The following SORCS2 variants were observed in gnomAD, a reference collection of about 807,000 sequenced individuals.
SORCS2 encodes VPS10 domain-containing receptor SorCS2.
Under a neutral mutation model 141.6 loss-of-function variants are expected in SORCS2, and 100 were observed. That is an observed-to-expected ratio of 0.71 (90% CI 0.60 to 0.83). The LOEUF (loss-of-function observed/expected upper bound fraction) is 0.83. SORCS2 is among the 40% of genes least tolerant of loss of function. The pLI is 0.00. For missense variants in SORCS2, 1,646 were observed against 1,560.2 expected, an observed-to-expected ratio of 1.05 and a Z score of -0.93; for synonymous variants, 789 against 676.9, an observed-to-expected ratio of 1.17 and a Z score of -2.57.
At chr4:7,666,574 G>T (rs1722517959) in intron 7 of SORCS2, among the ~76,000 whole-genome samples, 1 of 152,164 alleles carries the variant, frequency 6.6e-6, no homozygotes. Flanking sequence ...GGCTCAGGAA[G>T]CTGCACCTCC....
intron 1 of SORCS2, among the ~76,000 whole-genome samples, chr4:7,353,333 T>G (rs537092543): frequency 2.0e-5 from 3 of 152,350 alleles, no homozygotes; most frequent in African/African-American, 7.2e-5. Flanking sequence ...GGAAGTCCAC[T>G]TCCAGCCTTG....
intron 1 of SORCS2, among the ~76,000 whole-genome samples, chr4:7,215,457 C>T (rs1486610948): frequency 3.3e-5 from 5 of 152,210 alleles, no homozygotes; most frequent in African/African-American, 4.8e-5. Flanking sequence ...CTGACGAGCG[C>T]GACCCCCTGC....
chr4:7,255,872 CCCCGGGGCTGGAGCGTGGGGA>C (rs1560143851), intron 1 of SORCS2, among the ~76,000 whole-genome samples: 9 of 7,234 alleles, frequency 1.2e-3, no homozygotes, highest in East Asian at 0.01. Context: ...GAGCGTGGGG[CCCCGGGGCTGGAGCGTGGGGA>C]CCCGGGGCTG....
At chr4:7,218,750 A>G (rs1728521749) in intron 1 of SORCS2, among the ~76,000 whole-genome samples, 1 of 152,244 alleles carries the variant, frequency 6.6e-6, no homozygotes, top group African/African-American at 2.4e-5. Context: ...CAATATCATA[A>G]CGATGAATCC....
At chr4:7,491,344 AC>A (rs1157055151) in intron 2 of SORCS2, among the ~76,000 whole-genome samples, 2 of 152,138 alleles carry the variant, frequency 1.3e-5, no homozygotes, top group Non-Finnish European at 2.9e-5. Flanking sequence ...GGGCTGGGGC[AC>A]CCCACCCCTA....
At chr4:7,636,581 T>A (rs57561767) in intron 3 of SORCS2, among the ~76,000 whole-genome samples, 40,703 of 151,692 alleles carry the variant, frequency 0.27, 5,571 homozygotes, top group African/African-American at 0.28. Context: ...TCTGGGTGTC[T>A]GTCATTCCAA....
intron 3 of SORCS2, among the ~76,000 whole-genome samples, chr4:7,582,111 A>G (rs1415545072): frequency 3.3e-5 from 5 of 152,210 alleles, no homozygotes; most frequent in South Asian, 2.1e-4. Context: ...GACATATTAT[A>G]TTCTGAGAAT....
In SORCS2 at chr4:7,569,982, T is replaced by A. The variant is rs1034092164; in HGVS notation, c.648+38353T>A. 3.9e-5 allele frequency among the ~76,000 whole-genome samples: 6 copies of A among 152,178 alleles called. No homozygotes were observed. In the East Asian group the frequency reaches 1.2e-3, roughly 29 times the overall value. Reference sequence around the variant, plus strand: ...GCGGCTGGATGAGGTGCTTTGTTCTTCAGCTCTCCTGGGCAGGGGACGAGG... The same window carrying A: ...GCGGCTGGATGAGGTGCTTTGTTCTACAGCTCTCCTGGGCAGGGGACGAGG... On this transcript the variant is annotated intron_variant, in intron 3 of 26. Coordinates refer to ENST00000507866, the MANE Select transcript of SORCS2 (RefSeq NM_020777.3).
intron 2 of SORCS2, among the ~76,000 whole-genome samples, chr4:7,477,809 G>A (rs551939723): frequency 2.6e-5 from 4 of 152,334 alleles, no homozygotes; most frequent in South Asian, 2.1e-4. Context: ...TGAGACAAGC[G>A]TGGAACAGAC....
At chr4:7,402,101 T>A (rs190864502) in intron 2 of SORCS2, among the ~76,000 whole-genome samples, 4 of 152,168 alleles carry the variant, frequency 2.6e-5, no homozygotes, top group African/African-American at 9.7e-5. Context: ...GTAGGTGCCA[T>A]TGAAATTTAG....
chr4:7,313,306 A>T (rs1050246703), intron 1 of SORCS2, among the ~76,000 whole-genome samples: 3 of 152,256 alleles, frequency 2.0e-5, no homozygotes, highest in Admixed American at 2.0e-4. Context: ...AAAATCATGG[A>T]GTGCCTCCTG....
rs1204941594 is a variant in SORCS2, at chr4:7,633,940, G to A, written c.649-4388G>A. The stretch of plus-strand genomic sequence containing the variant: ...TATCATGGAAAAAGTGCTTTAATGA[G>A]GGGGATTTGGGCTTCCCTGGCCAAA... On this transcript the variant is annotated intron_variant, in intron 3 of 26. Transcript: ENST00000507866. 7.4e-5 allele frequency among the ~76,000 whole-genome samples: 9 copies of A among 121,530 alleles called. 4 individuals carry two copies. The highest frequency in any genetic ancestry group is 2.3e-4 in the African/African-American group (9 of 38,892). 79.7% of individuals were successfully genotyped at this position (121,530 alleles called of 152,430 possible).
intron 1 of SORCS2, among the ~76,000 whole-genome samples, chr4:7,395,027 C>T (rs902341570): frequency 3.3e-5 from 5 of 152,202 alleles, no homozygotes; most frequent in Non-Finnish European, 5.9e-5. Context: ...GGACCTGGCT[C>T]TGACGGCAGG....
chr4:7,720,026 C>G (rs1037395600), intron 18 of SORCS2, among the ~76,000 whole-genome samples: 4 of 152,142 alleles, frequency 2.6e-5, no homozygotes, highest in Non-Finnish European at 4.4e-5. Context: ...CACACACTCA[C>G]TGGTACACAC....
At chr4:7,330,662 G>A (rs993544067) in intron 1 of SORCS2, among the ~76,000 whole-genome samples, 2 of 152,048 alleles carry the variant, frequency 1.3e-5, no homozygotes, top group African/African-American at 4.8e-5. Context: ...AATGCCCGCT[G>A]TGCTCTGCAG....
intron 3 of SORCS2, among the ~76,000 whole-genome samples, chr4:7,597,162 G>T (rs373555395): frequency 8.7e-5 from 13 of 150,122 alleles, no homozygotes; most frequent in Middle Eastern, 6.9e-3. Context: ...AGGGGAGGGG[G>T]TTATGGTAGT....
chr4:7,434,071 T>A, intron 2 of SORCS2: 2 of 1,611,518 alleles, frequency 1.2e-6, no homozygotes, highest in South Asian at 2.2e-5. Flanking sequence ...GGGGACCCCG[T>A]CCATGGCCAC....
rs369687596 is a variant in SORCS2, at chr4:7,555,512, C to T, written c.648+23883C>T. Among the ~76,000 whole-genome samples the T allele has an allele frequency of 5.9e-5, 9 of 152,372 alleles. No individual in the cohort carries two copies. The East Asian group carries it at 1.2e-3, about 20-fold the overall frequency. On this transcript the variant is annotated intron_variant, in intron 3 of 26. Coordinates refer to ENST00000507866, the MANE Select transcript of SORCS2 (RefSeq NM_020777.3). Reference sequence around the variant, plus strand: ...TGCCTCAGCTCATCTCTCTACCCCACACCCACAACTGGGGAGAAGCCCTCA... The same window carrying T: ...TGCCTCAGCTCATCTCTCTACCCCATACCCACAACTGGGGAGAAGCCCTCA...
intron 18 of SORCS2, among the ~76,000 whole-genome samples, chr4:7,719,867 G>T (rs1285415760): frequency 6.6e-6 from 1 of 152,204 alleles, no homozygotes; most frequent in Admixed American, 6.5e-5. Flanking sequence ...TCTGCTGGCA[G>T]GAGCTGGAGT....
Sources: allele counts gnomAD v4.1 joint callset (sites outside exome capture counted in the v4.1 genomes callset), GRCh38; gene constraint gnomAD v4.1.1; transcripts MANE v1.5; gene names NCBI Gene and HGNC (gene_info 2026-07-23, HGNC 2026-07-21).